The following NAALADL2 variants were observed in gnomAD, a reference collection of about 807,000 sequenced individuals.
NAALADL2 encodes the protein inactive N-acetylated-alpha-linked acidic dipeptidase-like protein 2.
Under a neutral mutation model 87.2 loss-of-function variants are expected in NAALADL2, and 76 were observed. That is an observed-to-expected ratio of 0.87 (90% CI 0.72 to 1.05). The LOEUF (loss-of-function observed/expected upper bound fraction) is 1.05. Among genes scored for constraint, NAALADL2 ranks in the 50% least tolerant of loss-of-function variants. The pLI is 0.00. For missense variants in NAALADL2, 1,089 were observed against 945.8 expected (o/e 1.15, Z -1.99); for synonymous variants, 354 against 331.0 (o/e 1.07, Z -0.75).
At chr3:174,491,237 T>C (rs1161444129) in intron 1 of NAALADL2, among the ~76,000 whole-genome samples, 1 of 152,156 alleles carries the variant, frequency 6.6e-6, no homozygotes, top group Non-Finnish European at 1.5e-5. Context: ...TTTACCATTA[T>C]ATAAATTACT....
chr3:174,793,690 A>G (rs1251878436), intron 3 of NAALADL2, among the ~76,000 whole-genome samples: 1 of 152,096 alleles, frequency 6.6e-6, no homozygotes, highest in African/African-American at 2.4e-5. Flanking sequence ...AAAATCCGTG[A>G]TCTTATAATT....
At chr3:175,602,031 T>C (rs560751795) in intron 10 of NAALADL2, among the ~76,000 whole-genome samples, 1 of 152,312 alleles carries the variant, frequency 6.6e-6, no homozygotes, top group South Asian at 2.1e-4. Flanking sequence ...TTAATACATA[T>C]ACTTTTGTGA....
Position 174,689,941 on chromosome 3 carries a change from TA to T in NAALADL2, c.-114-47696del, listed in dbSNP as rs1728405834. 5.3e-5 allele frequency among the ~76,000 whole-genome samples: 8 copies of T among 149,766 alleles called. No individual in the cohort carries two copies. The South Asian group carries it at 1.7e-3, about 32-fold the overall frequency. On this transcript the variant is annotated intron_variant, in intron 2 of 3. Transcript: ENST00000434257. ...AACTACTACTGTACCTTTTCATGCA[TA>T]AAATATTTGTATAGATCCTTGATCT...
At chr3:174,958,310 C>T (rs372615384) in intron 1 of NAALADL2, among the ~76,000 whole-genome samples, 7 of 151,606 alleles carry the variant, frequency 4.6e-5, no homozygotes, top group African/African-American at 1.7e-4. Context: ...ATATTAGATG[C>T]CCAATAGCTA....
At chr3:174,476,999 A>C (rs1717254616) in intron 1 of NAALADL2, among the ~76,000 whole-genome samples, 1 of 151,934 alleles carries the variant, frequency 6.6e-6, no homozygotes, top group African/African-American at 2.4e-5. Context: ...ACCCCTAATG[A>C]CTTGTAATTA....
chr3:175,715,358 C>T (rs1741091965), intron 11 of NAALADL2, among the ~76,000 whole-genome samples: 1 of 152,162 alleles, frequency 6.6e-6, no homozygotes, highest in Admixed American at 6.6e-5. Context: ...AAAACAATAG[C>T]AGTGTCTTTA....
intron 9 of NAALADL2, among the ~76,000 whole-genome samples, chr3:175,526,236 A>T (rs967031525): frequency 1.3e-5 from 2 of 152,212 alleles, no homozygotes; most frequent in South Asian, 2.1e-4. Context: ...TTCAGTTTTT[A>T]AAAAAGGTAT....
chr3:175,330,163 T>TA (rs886742252), intron 5 of NAALADL2, among the ~76,000 whole-genome samples: 9 of 151,216 alleles, frequency 6.0e-5, no homozygotes, highest in South Asian at 4.2e-4. Context: ...AATCCACTGC[T>TA]AAAAAAAAAG....
At chr3:174,716,288 A>T (rs1391049105) in intron 2 of NAALADL2, among the ~76,000 whole-genome samples, 1 of 152,116 alleles carries the variant, frequency 6.6e-6, no homozygotes, top group Non-Finnish European at 1.5e-5. Flanking sequence ...CCAGATATGC[A>T]TGTATCTAAG....
intron 1 of NAALADL2, among the ~76,000 whole-genome samples, chr3:174,503,663 A>G (rs112636344): frequency 0.018 from 2,807 of 152,242 alleles, 91 homozygotes; most frequent in African/African-American, 0.057. Flanking sequence ...CTATGCATGC[A>G]ATTTATTCTA....
chr3:175,015,439 ACT>A (rs1185201989), intron 1 of NAALADL2, among the ~76,000 whole-genome samples: 2 of 151,982 alleles, frequency 1.3e-5, no homozygotes, highest in African/African-American at 4.8e-5. Context: ...TTGAGTGGTC[ACT>A]CTCATGTCAC....
At chr3:175,600,128 A>G (rs1249705766) in intron 10 of NAALADL2, among the ~76,000 whole-genome samples, 3 of 152,022 alleles carry the variant, frequency 2.0e-5, no homozygotes, top group Non-Finnish European at 2.9e-5. Context: ...TAAATATTCA[A>G]TAGATATATT....
intron 2 of NAALADL2, among the ~76,000 whole-genome samples, chr3:174,594,014 A>G (rs536013784): frequency 2.0e-5 from 3 of 152,306 alleles, no homozygotes; most frequent in Non-Finnish European, 2.9e-5. Flanking sequence ...TGACATTTAC[A>G]TGGTTCCAGA....
chr3:174,816,957 T>A (rs1389285857), intron 3 of NAALADL2, among the ~76,000 whole-genome samples: 3 of 152,210 alleles, frequency 2.0e-5, no homozygotes, highest in Non-Finnish European at 4.4e-5. Flanking sequence ...GAGAAAACCA[T>A]CATTAATAAT....
intron 2 of NAALADL2, among the ~76,000 whole-genome samples, chr3:175,113,587 G>A (rs1465540007): frequency 6.6e-6 from 1 of 151,400 alleles, no homozygotes; most frequent in Non-Finnish European, 1.5e-5. Context: ...TGAGACCCCT[G>A]GGTCAAAGAT....
intron 2 of NAALADL2, among the ~76,000 whole-genome samples, chr3:175,189,626 A>G (rs896484476): frequency 2.0e-5 from 3 of 152,204 alleles, no homozygotes; most frequent in African/African-American, 2.4e-5. Flanking sequence ...CAATATTGTT[A>G]AAGTGTGCTT....
At chr3:175,248,004 A>G (rs1435598091) in intron 3 of NAALADL2, among the ~76,000 whole-genome samples, 1 of 152,224 alleles carries the variant, frequency 6.6e-6, no homozygotes, top group East Asian at 1.9e-4. Flanking sequence ...AAGTTTTTAT[A>G]GAATCAGCTC....
At chr3:175,081,290 A>T (rs1044727866) in intron 1 of NAALADL2, 12 of 152,216 alleles carry the variant, frequency 7.9e-5, no homozygotes, top group African/African-American at 2.9e-4. Flanking sequence ...ATTATAAATG[A>T]TCATAAAATG....
intron 1 of NAALADL2, among the ~76,000 whole-genome samples, chr3:174,932,455 G>A (rs773434710): frequency 3.3e-5 from 5 of 152,070 alleles, no homozygotes; most frequent in Non-Finnish European, 7.4e-5. Flanking sequence ...TCCGGGTATA[G>A]GAACAATTGG....
Sources: gnomAD v4.1 joint callset for allele counts (sites outside exome capture counted in the v4.1 genomes callset) on GRCh38, gnomAD v4.1.1 for gene constraint, MANE v1.5 for transcripts, NCBI Gene and HGNC (gene_info 2026-07-23, HGNC 2026-07-21) for gene names.